RARB: variants seen among roughly 807,000 people sequenced by gnomAD.
The protein encoded by RARB is retinoic acid receptor beta, also known as HBV-activated protein.
Under a neutral mutation model 51.9 loss-of-function variants are expected in RARB, and 17 were observed. The observed-to-expected ratio is 0.33, with a 90% CI of 0.22 to 0.49. RARB has a LOEUF of 0.49. Ranked by LOEUF, RARB falls within the 20% of genes least tolerant of loss-of-function variation. RARB has a pLI of 0.99. For missense variants in RARB, 369 were observed against 550.8 expected, an observed-to-expected ratio of 0.67 and a Z score of 3.30; for synonymous variants, 215 against 195.4, an observed-to-expected ratio of 1.10 and a Z score of -0.84.
intron 5 of RARB, among the ~76,000 whole-genome samples, chr3:25,386,457 T>C (rs1706797056): frequency 6.6e-6 from 1 of 152,174 alleles, no homozygotes; most frequent in African/African-American, 2.4e-5. Context: ...AAAGTAGCTT[T>C]TTAGAAAGGT....
chr3:24,978,548 G>A (rs1696570248), intron 2 of RARB, among the ~76,000 whole-genome samples: 1 of 152,098 alleles, frequency 6.6e-6, no homozygotes, highest in Non-Finnish European at 1.5e-5. Flanking sequence ...GCATAGAGGT[G>A]TTTATAGTAT....
At chr3:24,997,053 A>T (rs1431269578) in intron 2 of RARB, among the ~76,000 whole-genome samples, 2 of 152,032 alleles carry the variant, frequency 1.3e-5, no homozygotes, top group East Asian at 3.8e-4. Flanking sequence ...TGAGAGTGGG[A>T]TATTGAGTTC....
intron 2 of RARB, among the ~76,000 whole-genome samples, chr3:25,483,724 A>C (rs1696339266): frequency 6.6e-6 from 1 of 152,168 alleles, no homozygotes. Flanking sequence ...TTCTGGGTGC[A>C]TAATGTCAGC....
chr3:25,004,201 A>G lies in RARB; in HGVS notation c.-379-55924A>G, dbSNP rs866460105. On this transcript the variant is annotated intron_variant, in intron 2 of 11. Transcript: ENST00000383772. ...ACCACATCACTGATAGCCATATGTT[A>G]TTGTCCAGGTTGTAGTCACTTGGCT... Among the ~76,000 whole-genome samples, 3 of 152,064 alleles carry G rather than the reference A, an allele frequency of 2.0e-5. No individual in the cohort carries two copies. In the South Asian group the frequency reaches 6.2e-4, roughly 31 times the overall value.
intron 5 of RARB, among the ~76,000 whole-genome samples, chr3:25,400,501 A>G (rs976342659): frequency 6.6e-6 from 1 of 152,182 alleles, no homozygotes; most frequent in Non-Finnish European, 1.5e-5. Flanking sequence ...AGAAGGTCTC[A>G]ATATTCTCAA....
chr3:25,578,874 T>A lies in RARB; in HGVS notation c.610-1672T>A, dbSNP rs765352187. ...TAACTGAGGTGGGGAACTAAAGATA[T>A]CAGTTTGAGAAACACAGTACCTCTC... On this transcript the variant is annotated intron_variant, in intron 4 of 7. Transcript: ENST00000330688. 6.6e-5 allele frequency among the ~76,000 whole-genome samples: 10 copies of A among 152,252 alleles called. 1 individual carries two copies. The highest frequency in any genetic ancestry group is 2.9e-5 in the Non-Finnish European group (2 of 68,046).
chr3:25,063,150 A>G (rs1698583919), intron 3 of RARB, among the ~76,000 whole-genome samples: 1 of 152,028 alleles, frequency 6.6e-6, no homozygotes. Context: ...CCCCTTTTGA[A>G]TAGCCACAGA....
intron 5 of RARB, among the ~76,000 whole-genome samples, chr3:25,312,072 G>A (rs1489311111): frequency 1.3e-5 from 2 of 152,176 alleles, no homozygotes; most frequent in African/African-American, 4.8e-5. Flanking sequence ...GTTGTTTCCT[G>A]CGGTGTTTAG....
At chr3:25,062,217 G>A (rs1698563899) in intron 3 of RARB, among the ~76,000 whole-genome samples, 1 of 151,688 alleles carries the variant, frequency 6.6e-6, no homozygotes, top group African/African-American at 2.4e-5. Context: ...AATAGCGACG[G>A]CCAGTAAAGA....
intron 5 of RARB, among the ~76,000 whole-genome samples, chr3:25,585,472 G>T (rs1001784328): frequency 1.4e-4 from 22 of 152,344 alleles, no homozygotes; most frequent in African/African-American, 4.6e-4. Flanking sequence ...TTTGTTTAAA[G>T]ACTGTGGTGG....
intron 5 of RARB, among the ~76,000 whole-genome samples, chr3:25,379,355 A>T (rs985045048): frequency 6.6e-6 from 1 of 152,200 alleles, no homozygotes; most frequent in Admixed American, 6.5e-5. Flanking sequence ...ACAAAAAAAA[A>T]TTACTAGACT....
At chr3:25,383,048 A>G (rs1706677236) in intron 5 of RARB, among the ~76,000 whole-genome samples, 1 of 152,212 alleles carries the variant, frequency 6.6e-6, no homozygotes, top group Non-Finnish European at 1.5e-5. Context: ...CCTAAGAGCA[A>G]TAATGTCCCA....
At position 25,597,518 on chromosome 3, in the gene RARB, G is replaced by C. The variant is rs1184097590; in HGVS notation, c.*902G>C. 1 of 152,622 alleles carries C rather than the reference G, an allele frequency of 6.6e-6. No homozygotes were observed. Among genetic ancestry groups the C allele is most frequent in the African/African-American group, 2.4e-5 (1 of 41,460 alleles). The allele number at this position is 152,622 out of a possible 1,614,324, so 9.5% of individuals were successfully genotyped here. A position where few individuals can be genotyped will look rare whatever the true frequency, so the allele number is the denominator to read the frequency against. Reference sequence around the variant, plus strand: ...ACAAGCCATTAGGGAAATTTCATGGGATAATTAGCAGGCTGGTCTACCACC... The same window carrying C: ...ACAAGCCATTAGGGAAATTTCATGGCATAATTAGCAGGCTGGTCTACCACC... On this transcript the variant is annotated 3_prime_UTR_variant, in exon 8 of 8. Coordinates refer to ENST00000330688, the MANE Select transcript of RARB (RefSeq NM_000965.5).
intron 1 of RARB, among the ~76,000 whole-genome samples, chr3:24,854,098 CAG>C (rs986745132): frequency 4.3e-4 from 66 of 152,232 alleles, no homozygotes; most frequent in African/African-American, 1.6e-3. Flanking sequence ...ATAGAGAATG[CAG>C]AGACTTGCAT....
chr3:25,186,335 C>T (rs1700973543), intron 5 of RARB, among the ~76,000 whole-genome samples: 1 of 151,672 alleles, frequency 6.6e-6, no homozygotes, highest in South Asian at 2.1e-4. Flanking sequence ...TACTTTGAAA[C>T]ACACGGCTGG....
chr3:25,494,244 G>C (rs933659442), intron 2 of RARB, among the ~76,000 whole-genome samples: 5 of 43,798 alleles, frequency 1.1e-4, no homozygotes, highest in Admixed American at 4.9e-4. Context: ...TTTTCCAGCT[G>C]TATCTTACGC....
chr3:25,499,354 G>C (rs1220211095), intron 2 of RARB, among the ~76,000 whole-genome samples: 1 of 152,200 alleles, frequency 6.6e-6, no homozygotes, highest in African/African-American at 2.4e-5. Context: ...ATCACAACTG[G>C]TAAAGTAGAC....
intron 2 of RARB, among the ~76,000 whole-genome samples, chr3:25,032,185 A>G (rs1407502536): frequency 6.6e-6 from 1 of 152,234 alleles, no homozygotes; most frequent in African/African-American, 2.4e-5. Context: ...GTTGGTGACA[A>G]TAGCCATCAT....
rs183220389 is a variant in RARB, at chr3:25,529,882, C to T, written c.448+28559C>T. On this transcript the variant is annotated intron_variant, in intron 3 of 7. Coordinates refer to ENST00000330688, the MANE Select transcript of RARB (RefSeq NM_000965.5). ...TATAACTTATATTCTTTTACAGCTA[C>T]GCAAGGTACTCAAAAAAGTGATTTT... Among the ~76,000 whole-genome samples, 366 of 152,234 alleles carry T rather than the reference C, an allele frequency of 2.4e-3. 2 individuals carry two copies. Among genetic ancestry groups the T allele is most frequent in the African/African-American group, 8.4e-3 (348 of 41,534 alleles).
Sources: gnomAD v4.1 joint callset for allele counts (sites outside exome capture counted in the v4.1 genomes callset) on GRCh38, gnomAD v4.1.1 for gene constraint, MANE v1.5 for transcripts, NCBI Gene and HGNC (gene_info 2026-07-23, HGNC 2026-07-21) for gene names.